The following EMCN variants were observed in gnomAD, a reference collection of about 807,000 sequenced individuals.
EMCN encodes MUC-14.
A neutral mutation model predicts 38.4 loss-of-function variants in EMCN; 37 were observed. That is an observed-to-expected ratio of 0.96 (90% CI 0.74 to 1.27). The LOEUF (loss-of-function observed/expected upper bound fraction) is 1.27. Ranked by LOEUF, EMCN falls within the 50% of genes most tolerant of loss-of-function variation. The pLI, the probability that EMCN is intolerant of heterozygous loss-of-function variation, is 0.00. For missense variants in EMCN, 318 were observed against 302.8 expected, an observed-to-expected ratio of 1.05 and a Z score of -0.37; for synonymous variants, 95 against 100.8, an observed-to-expected ratio of 0.94 and a Z score of 0.35.
intron 1 of EMCN, among the ~76,000 whole-genome samples, chr4:100,502,413 G>GA (rs986827344): frequency 1.3e-4 from 20 of 151,566 alleles, no homozygotes; most frequent in Admixed American, 3.9e-4. Context: ...GGCCGCCCTA[G>GA]AAAAAAAATG....
At chr4:100,437,210 G>C (rs1355223420) in intron 5 of EMCN, among the ~76,000 whole-genome samples, 1 of 152,002 alleles carries the variant, frequency 6.6e-6, no homozygotes, top group African/African-American at 2.4e-5. Flanking sequence ...GCACATGTTG[G>C]CAATTTTCAT....
chr4:100,464,116 A>G (rs1038721401), intron 4 of EMCN, among the ~76,000 whole-genome samples: 1 of 151,808 alleles, frequency 6.6e-6, no homozygotes, highest in Non-Finnish European at 1.5e-5. Context: ...TAAATCTTGC[A>G]CTTCTATTGT....
rs1044774514 is a variant in EMCN at position 100,467,404 on chromosome 4, C to T, written c.260-1865G>A. 1.1e-4 allele frequency among the ~76,000 whole-genome samples: 17 copies of T among 152,152 alleles called. No individual in the cohort carries two copies. In the East Asian group the frequency reaches 1.2e-3, roughly 10 times the overall value. ...TATTAAGATATGAGAATCGGCCGGGCGCGGTGGCTCACGCCTGTAATCCCA... is the reference window on the plus strand; with the variant it reads ...TATTAAGATATGAGAATCGGCCGGGTGCGGTGGCTCACGCCTGTAATCCCA... On this transcript the variant is annotated intron_variant, in intron 3 of 11. Transcript: ENST00000296420.
At chr4:100,469,176 A>G (rs1404619799) in intron 3 of EMCN, among the ~76,000 whole-genome samples, 2 of 152,074 alleles carry the variant, frequency 1.3e-5, no homozygotes, top group Non-Finnish European at 2.9e-5. Flanking sequence ...AAACTGTGCT[A>G]CCACATGCAA....
chr4:100,400,088 G>A (rs996651875), intron 11 of EMCN, among the ~76,000 whole-genome samples: 2 of 152,076 alleles, frequency 1.3e-5, no homozygotes, highest in African/African-American at 4.8e-5. Context: ...TCTACTACTT[G>A]AGCCTTGTTT....
intron 1 of EMCN, among the ~76,000 whole-genome samples, chr4:100,494,567 C>T (rs1304068271): frequency 2.0e-5 from 3 of 152,050 alleles, no homozygotes; most frequent in Non-Finnish European, 4.4e-5. Context: ...ATAACATTGG[C>T]CAACTTTAAC....
chr4:100,488,319 T>C (rs1728992984), intron 1 of EMCN, among the ~76,000 whole-genome samples: 1 of 152,214 alleles, frequency 6.6e-6, no homozygotes. Context: ...TATTAACTTC[T>C]TACCTGGGAG....
At chr4:100,500,660 A>T (rs1448145317) in intron 1 of EMCN, among the ~76,000 whole-genome samples, 1 of 152,046 alleles carries the variant, frequency 6.6e-6, no homozygotes, top group Non-Finnish European at 1.5e-5. Flanking sequence ...CAACATATTG[A>T]GGCATTGTGT....
chr4:100,437,545 C>T (rs932414551), intron 5 of EMCN, among the ~76,000 whole-genome samples: 1 of 151,494 alleles, frequency 6.6e-6, no homozygotes, highest in African/African-American at 2.4e-5. Context: ...CTGGTCTTAC[C>T]TTTCAGTCTT....
chr4:100,449,697 C>T (rs1298337734), intron 4 of EMCN, among the ~76,000 whole-genome samples: 2 of 151,818 alleles, frequency 1.3e-5, no homozygotes, highest in Non-Finnish European at 2.9e-5. Context: ...TTTTAGCCTT[C>T]AAAAATGTGT....
chr4:100,454,847 T>TA (rs1163941940), intron 4 of EMCN, among the ~76,000 whole-genome samples: 6 of 152,152 alleles, frequency 3.9e-5, no homozygotes, highest in African/African-American at 1.4e-4. Context: ...CTCTGTCTGA[T>TA]ATTATTGTAG....
At chr4:100,483,934 G>A (rs1728876871) in intron 1 of EMCN, among the ~76,000 whole-genome samples, 1 of 152,038 alleles carries the variant, frequency 6.6e-6, no homozygotes, top group Non-Finnish European at 1.5e-5. Context: ...AATTTAACAA[G>A]GCAAATTGAG....
At chr4:100,436,483 C>T (rs980323184) in intron 5 of EMCN, among the ~76,000 whole-genome samples, 4 of 152,134 alleles carry the variant, frequency 2.6e-5, no homozygotes, top group Non-Finnish European at 5.9e-5. Context: ...GGCAGAAATA[C>T]CATTTGGCCC....
intron 3 of EMCN, among the ~76,000 whole-genome samples, chr4:100,473,161 C>T (rs1578216822): frequency 6.7e-6 from 1 of 149,404 alleles, no homozygotes; most frequent in Non-Finnish European, 1.5e-5. Context: ...ATTACAGATG[C>T]GTGCCACCAC....
intron 5 of EMCN, among the ~76,000 whole-genome samples, chr4:100,439,529 T>G (rs893884633): frequency 6.6e-6 from 1 of 151,482 alleles, no homozygotes; most frequent in Non-Finnish European, 1.5e-5. Flanking sequence ...CTTCCCTTTT[T>G]TTCATTTAGA....
chr4:100,444,281 G>A (rs1480148759), intron 5 of EMCN, among the ~76,000 whole-genome samples: 2 of 152,220 alleles, frequency 1.3e-5, no homozygotes, highest in African/African-American at 4.8e-5. Flanking sequence ...GTCCATATGG[G>A]TCAGTGGAGC....
At chr4:100,499,543 A>C (rs1297039875) in intron 1 of EMCN, among the ~76,000 whole-genome samples, 1 of 152,230 alleles carries the variant, frequency 6.6e-6, no homozygotes, top group African/African-American at 2.4e-5. Context: ...AGTGAATTAA[A>C]GTCTTCAGAA....
chr4:100,497,173 A>C (rs1038121292), intron 1 of EMCN, among the ~76,000 whole-genome samples: 1 of 151,688 alleles, frequency 6.6e-6, no homozygotes, highest in African/African-American at 2.4e-5. Context: ...TATATATAAA[A>C]AAGGAAGTAT....
At position 100,410,381 on chromosome 4, in the gene EMCN, C is replaced by T. The variant is rs199659025; in HGVS notation, c.752-26G>A. 6 of 1,611,208 alleles carry T rather than the reference C, an allele frequency of 3.7e-6. No individual in the cohort carries two copies. In the African/African-American group the frequency reaches 5.3e-5, roughly 14 times the overall value. On this transcript the variant is annotated intron_variant, in intron 10 of 11. Coordinates refer to ENST00000296420, the MANE Select transcript of EMCN (RefSeq NM_016242.4). ...CTGAGAACAGAAGATATGTTTTGAT[C>T]TGTAAGCTCAGAGACTGAGTAAGGA...
Sources: allele counts gnomAD v4.1 joint callset (sites outside exome capture counted in the v4.1 genomes callset), GRCh38; gene constraint gnomAD v4.1.1; transcripts MANE v1.5; gene names NCBI Gene and HGNC (gene_info 2026-07-23, HGNC 2026-07-21).